Variants in YAP1 observed in about 807,000 individuals in gnomAD.
YAP1 encodes Yes1 associated transcriptional regulator, also known as transcriptional coactivator YAP1.
Under a neutral mutation model 56.9 loss-of-function variants are expected in YAP1, and 5 were observed. The observed-to-expected ratio is 0.09, with a 90% CI of 0.05 to 0.18. YAP1 has a LOEUF of 0.18. YAP1 is among the 10% of genes least tolerant of loss of function. The pLI is 1.00. For synonymous variants in YAP1, 265 were observed against 248.1 expected, an observed-to-expected ratio of 1.07 and a Z score of -0.64; for missense variants, 539 against 651.8, an observed-to-expected ratio of 0.83 and a Z score of 1.88.
In YAP1 at chr11:102,209,698, A is replaced by G. The variant is rs533884763; in HGVS notation, c.1032+134A>G. 6.3e-6 allele frequency: 5 copies of G among 791,512 alleles called. No individual in the cohort carries two copies. In the South Asian group the frequency reaches 7.1e-5, roughly 11 times the overall value. The allele number at this position is 791,512 out of a possible 1,614,324, so 49.0% of individuals were successfully genotyped here. The stretch of plus-strand genomic sequence containing the variant: ...GAGAATAACTTTGAGCCATCTTTCT[A>G]CCAAGATACTCAGGTTAACATTGCC... On this transcript the variant is annotated intron_variant, in intron 6 of 8. Coordinates refer to ENST00000282441, the MANE Select transcript of YAP1 (RefSeq NM_001130145.3).
chr11:102,139,326 T>C (rs1444197144), intron 2 of YAP1, among the ~76,000 whole-genome samples: 4 of 152,150 alleles, frequency 2.6e-5, no homozygotes, highest in Admixed American at 2.6e-4. Flanking sequence ...CAGCTATTTA[T>C]GGAGCATTTC....
intron 4 of YAP1, among the ~76,000 whole-genome samples, chr11:102,190,874 T>C (rs1167989785): frequency 6.6e-6 from 1 of 152,008 alleles, no homozygotes; most frequent in Non-Finnish European, 1.5e-5. Flanking sequence ...TAGGCAGAGG[T>C]TGCAGTGAGC....
rs79417896 is a variant in YAP1, at chr11:102,191,270, C to T, written c.802+5139C>T. ...TTTTTTCAGTGGGGAGAATGCTACT[C>T]TTCTGATCACTGCAGAACATTCAAC... On this transcript the variant is annotated intron_variant, in intron 4 of 8. Transcript: ENST00000282441. 8.3e-3 allele frequency among the ~76,000 whole-genome samples: 1,256 copies of T among 152,152 alleles called. 20 individuals are homozygous for T. Among genetic ancestry groups the T allele is most frequent in the African/African-American group, 0.028 (1,163 of 41,512 alleles).
intron 4 of YAP1, among the ~76,000 whole-genome samples, chr11:102,201,002 G>A (rs1294813529): frequency 2.0e-5 from 3 of 152,160 alleles, no homozygotes; most frequent in Admixed American, 1.3e-4. Context: ...GGGTGGGGCG[G>A]TGGTGTAAAT....
chr11:102,194,541 C>G (rs1948472787), intron 4 of YAP1, among the ~76,000 whole-genome samples: 1 of 152,150 alleles, frequency 6.6e-6, no homozygotes, highest in Admixed American at 6.5e-5. Flanking sequence ...AGGCACTATG[C>G]TAGCCATGGG....
At chr11:102,127,526 C>T (rs761665801) in intron 2 of YAP1, among the ~76,000 whole-genome samples, 1 of 152,200 alleles carries the variant, frequency 6.6e-6, no homozygotes, top group Non-Finnish European at 1.5e-5. Context: ...GCCTAGATTT[C>T]AGATGCATGG....
chr11:102,179,486 A>G (rs919305464), intron 3 of YAP1, among the ~76,000 whole-genome samples: 2 of 152,112 alleles, frequency 1.3e-5, no homozygotes, highest in African/African-American at 4.8e-5. Context: ...TAACCATAAA[A>G]ACGAAGCGAA....
At chr11:102,213,481 G>A (rs114693347) in intron 6 of YAP1, among the ~76,000 whole-genome samples, 1,977 of 152,068 alleles carry the variant, frequency 0.013, 38 homozygotes, top group African/African-American at 0.044. Flanking sequence ...GCAAAACTCC[G>A]TCTTGAAAAA....
intron 2 of YAP1, among the ~76,000 whole-genome samples, chr11:102,145,474 G>T (rs1945273990): frequency 6.6e-6 from 1 of 152,172 alleles, no homozygotes; most frequent in Non-Finnish European, 1.5e-5. Context: ...GAAAGACACT[G>T]TGGAAAGAAG....
At chr11:102,176,635 A>G (rs1424783053) in intron 3 of YAP1, among the ~76,000 whole-genome samples, 1 of 150,058 alleles carries the variant, frequency 6.7e-6, no homozygotes, top group Non-Finnish European at 1.5e-5. Flanking sequence ...AATCCCAGCT[A>G]CTCAGGAGGC....
Position 102,205,925 on chromosome 11 carries a change from G to C in YAP1, c.835G>C (p.Val279Leu). The change falls in exon 5 of 9, where the codon GTG (valine) becomes CTG (leucine). Residue 279 changes from valine to leucine, a missense_variant. Physicochemically the swap from Val to Leu is conservative, Grantham distance 32. Around this residue, in one of 4 missense-constraint regions of YAP1, gnomAD observed 414 missense variants for 512.4 expected, o/e 0.81. Transcript: ENST00000282441. ...CCAGAGAATCAGTCAGAGTGCTCCA[G>C]TGAAACAGCCACCACCCCTGGCTCC... is the stretch of plus-strand genomic sequence containing the variant. ...MNQRISQSAP[V>L]KQPPPLAPQS... 6.2e-7 allele frequency: 1 copy of C among 1,603,072 alleles called. No individual in the cohort carries two copies. The highest frequency in any genetic ancestry group is 2.2e-5 in the East Asian group (1 of 44,514).
chr11:102,188,824 A>G (rs941556282), intron 4 of YAP1, among the ~76,000 whole-genome samples: 2 of 152,196 alleles, frequency 1.3e-5, no homozygotes, highest in Non-Finnish European at 2.9e-5. Context: ...GACTATATTT[A>G]TAGTATCAAT....
intron 6 of YAP1, among the ~76,000 whole-genome samples, chr11:102,210,062 C>T (rs1231670262): frequency 6.6e-6 from 1 of 152,042 alleles, no homozygotes; most frequent in South Asian, 2.1e-4. Flanking sequence ...AGAGTATCTG[C>T]CTGGATAGTG....
rs549400090 is a variant in YAP1 at position 102,212,171 on chromosome 11, G to C, written c.1032+2607G>C. 5.8e-3 allele frequency among the ~76,000 whole-genome samples: 876 copies of C among 152,324 alleles called. 6 individuals are homozygous for C. The highest frequency in any genetic ancestry group is 0.02 in the African/African-American group (814 of 41,566). Reference sequence around the variant, plus strand: ...TTACTGGGTTTTTAACTTATACTTTGTAATAGATATTAATGCAGCTGAGTT... The same window carrying C: ...TTACTGGGTTTTTAACTTATACTTTCTAATAGATATTAATGCAGCTGAGTT... On this transcript the variant is annotated intron_variant, in intron 6 of 8. Coordinates refer to ENST00000282441, the MANE Select transcript of YAP1 (RefSeq NM_001130145.3).
At chr11:102,198,517 G>C (rs1221001090) in intron 4 of YAP1, among the ~76,000 whole-genome samples, 3 of 152,166 alleles carry the variant, frequency 2.0e-5, no homozygotes, top group Admixed American at 6.5e-5. Context: ...TTTCTTAATA[G>C]ATGAAGTATT....
chr11:102,186,696 A>C (rs1947968833), intron 4 of YAP1: 1 of 153,676 alleles, frequency 6.5e-6, no homozygotes, highest in Non-Finnish European at 1.4e-5. Flanking sequence ...AAAACAAAGA[A>C]AGCCATATTC....
chr11:102,129,208 C>T (rs1487757389), intron 2 of YAP1, among the ~76,000 whole-genome samples: 4 of 152,050 alleles, frequency 2.6e-5, no homozygotes, highest in African/African-American at 9.7e-5. Flanking sequence ...GTGTTCAGTC[C>T]CTAATAGACC....
chr11:102,217,996 C>T (rs750036069), intron 6 of YAP1, among the ~76,000 whole-genome samples: 2 of 152,124 alleles, frequency 1.3e-5, no homozygotes, highest in Non-Finnish European at 2.9e-5. Flanking sequence ...CCACTGCACC[C>T]GGCTGAGGAT....
intron 5 of YAP1, among the ~76,000 whole-genome samples, chr11:102,208,553 A>T (rs1189836820): frequency 1.3e-5 from 2 of 152,212 alleles, no homozygotes; most frequent in African/African-American, 4.8e-5. Context: ...ACAAATTACC[A>T]TAAAGGAAGA....
Sources: allele counts gnomAD v4.1 joint callset (sites outside exome capture counted in the v4.1 genomes callset), GRCh38; gene constraint gnomAD v4.1.1; regional missense constraint gnomAD v4.1.1; transcripts MANE v1.5; gene names NCBI Gene and HGNC (gene_info 2026-07-23, HGNC 2026-07-21).